The following TTN variants were observed in gnomAD, a reference collection of about 807,000 sequenced individuals.
TTN encodes titin, also known as connectin.
Under a neutral mutation model 3,223.0 loss-of-function variants are expected in TTN, and 1,525 were observed. That is an observed-to-expected ratio of 0.47 (90% CI 0.45 to 0.49). The LOEUF is 0.49. Among genes scored for constraint, TTN ranks in the 20% least tolerant of loss-of-function variants. The probability of loss-of-function intolerance (pLI) is 0.00; values close to 1 mark genes in which losing one functional copy is unlikely to be tolerated. For missense variants in TTN, 40,786 were observed against 43,424.0 expected (o/e 0.94, Z 5.40); for synonymous variants, 14,094 against 15,161.0 (o/e 0.93, Z 5.17).
rs530301114 is a variant in TTN, at chr2:178,781,353, G to A, written c.3381-90C>T. The A allele has an allele frequency of 8.9e-6, 13 of 1,459,266 alleles. No homozygotes were observed. In the South Asian group the frequency reaches 1.3e-4, roughly 15 times the overall value. The allele number at this position is 1,459,266 out of a possible 1,614,324, so 90.4% of individuals were successfully genotyped here. ...GGACTTATCTGTGAGTGGATCTGTG[G>A]TATAAAATTCAATGACCCTAAACAT... On this transcript the variant is annotated intron_variant, in intron 20 of 362. Coordinates refer to ENST00000589042, the MANE Select transcript of TTN (RefSeq NM_001267550.2).
At position 178,640,642 on chromosome 2, in the gene TTN, G is replaced by A. The variant is rs759320704; in HGVS notation, c.40634-12C>T. The A allele has an allele frequency of 2.6e-6, 4 of 1,556,654 alleles. No individual in the cohort carries two copies. The highest frequency in any genetic ancestry group is 3.5e-6 in the Non-Finnish European group (4 of 1,156,336). ...TGGTGGTTCTGGTACTTTAAGATAA[G>A]ATTATTTTTTCAGTGTTAATATTTG... On this transcript the variant is annotated splice_polypyrimidine_tract_variant and intron_variant, in intron 220 of 362. Transcript: ENST00000589042.
In TTN at chr2:178,548,842, A is replaced by G. The variant is rs767238891; in HGVS notation, c.92784T>C (p.Asp30928=). 1.9e-6 allele frequency: 3 copies of G among 1,613,298 alleles called. No individual in the cohort carries two copies. Among genetic ancestry groups the G allele is most frequent in the African/African-American group, 2.7e-5 (2 of 75,022 alleles). The change falls in exon 339 of 363, where the codon GAT becomes GAC. Residue 30928 remains aspartate, a synonymous_variant. Transcript: ENST00000589042. The surrounding 1 kb of genome is among the most constrained non-coding windows in gnomAD (Gnocchi z 4.3). ...DRLTAPELDI[D]ANFKQTHVVR... is the part of the protein sequence containing the mutation. ...CAACATGAGTCTGTTTGAAGTTTGC[A>G]TCTATGTCTAACTCAGGAGCTGTTA...
At chr2:178,630,764 C>T (rs2059702842) in intron 238 of TTN, 40 bp downstream of exon 238, 2 of 1,577,952 alleles carry the variant, frequency 1.3e-6, no homozygotes, top group Non-Finnish European at 1.7e-6. Flanking sequence ...CTAATTCACA[C>T]AGCTCCTTTA....
rs778787757 is a variant in TTN at position 178,793,439 on chromosome 2, T to C, written c.1501A>G (p.Thr501Ala). 5 of 1,614,184 alleles carry C rather than the reference T, an allele frequency of 3.1e-6. No individual in the cohort carries two copies. The South Asian group carries it at 3.3e-5, about 11-fold the overall frequency. ...LKSRTKEVIT[T>A]KQEQMHVTHE... ...GTTACGTGCATCTGCTCTTGCTTTG[T>C]GGTAATTACTTCTTTGGTTCTTGAT... The change falls in exon 9 of 363, where the codon ACA becomes GCA. Residue 501 changes from threonine to alanine, a missense_variant. Transcript: ENST00000589042.
chr2:178,762,289 G>C (rs958042388), intron 43 of TTN, among the ~76,000 whole-genome samples: 32 of 152,210 alleles, frequency 2.1e-4, no homozygotes, highest in Non-Finnish European at 3.4e-4. Flanking sequence ...AAATTTATAA[G>C]AGGATGCTAA....
chr2:178,624,348 A>C (rs1349136072), intron 242 of TTN, 117 bp downstream of exon 242: 4 of 1,295,254 alleles, frequency 3.1e-6, no homozygotes, highest in African/African-American at 1.5e-5. Context: ...TCAATACTAG[A>C]AGTTGCCAAG....
intron 242 of TTN, among the ~76,000 whole-genome samples, chr2:178,623,756 T>C (rs914613074): frequency 2.0e-5 from 3 of 151,836 alleles, no homozygotes; most frequent in African/African-American, 7.3e-5. Flanking sequence ...CACAAAAAAT[T>C]TGCAGAAAAA....
At chr2:178,544,902 C>A (rs2154144642) in intron 344 of TTN, among the ~76,000 whole-genome samples, 1 of 152,262 alleles carries the variant, frequency 6.6e-6, no homozygotes, top group Middle Eastern at 3.4e-3. Context: ...CTTAGCTTCC[C>A]CAATTCAGTC....
In TTN at chr2:178,674,342, C is replaced by T. The variant is rs1189001045; in HGVS notation, c.34680G>A (p.Glu11560=). The T allele has an allele frequency of 6.3e-7, 1 of 1,599,978 alleles. No homozygotes were observed. The part of the protein sequence containing the change: ...EEIPEEPPSI[E]EVEEVAPPRV... ...TAGGTGGTGCCACCTCTTCAACTTC[C>T]TCTATGCTAGGTGGTTCTTCTGGGA... The change falls in exon 151 of 363, where the codon GAG becomes GAA. Residue 11560 remains glutamate, a synonymous_variant. Transcript: ENST00000589042.
In TTN at chr2:178,724,295, C is replaced by T. The variant is rs2078958911; in HGVS notation, c.21080G>A (p.Gly7027Glu). 4 of 1,613,266 alleles carry T rather than the reference C, an allele frequency of 2.5e-6. No individual in the cohort carries two copies. Among genetic ancestry groups the T allele is most frequent in the Non-Finnish European group, 3.4e-6 (4 of 1,179,576 alleles). The change falls in exon 72 of 363, where the codon GGG (glycine) becomes GAG (glutamate). Residue 7027 changes from glycine (G) to glutamate (E), a missense_variant. Gly to Glu is a moderately conservative substitution (Grantham distance 98, BLOSUM62 -2). Transcript: ENST00000589042. ...TYTFQVQNNV[G>E]KSSCTAVVDV... ...AACCACAGCTGTGCAGCTGCTTTTC[C>T]CAACATTATTTTGAACCTGGAAAGT...
chr2:178,574,977 T>C lies in TTN; in HGVS notation c.71155A>G (p.Ile23719Val), dbSNP rs201818722. ...GGGATATCATGGACTTGAATGGTGA[T>C]GACATCACCAACCTCTCCTACAATG... The part of the protein sequence containing the change: ...RNIVGEVGDV[I>V]TIQVHDIPGP... Residue 23719 changes from isoleucine (I) to valine (V), a missense_variant, in exon 326 of 363, where the codon ATC (isoleucine) becomes GTC (valine). Transcript: ENST00000589042. The C allele has an allele frequency of 1.3e-5, 21 of 1,613,162 alleles. No homozygotes were observed. The African/African-American group carries it at 2.8e-4, about 22-fold the overall frequency.
chr2:178,731,475 A>T lies in TTN; in HGVS notation c.17291T>A (p.Leu5764Gln). The T allele has an allele frequency of 6.2e-7, 1 of 1,613,696 alleles. No individual in the cohort carries two copies. ...KGSLPITVTW[L>Q]KDSDEITEDD... ...TTCAGTGATTTCATCGCTGTCTTTT[A>T]GCCAAGTCACCGTAATTGGCAAGGA... Residue 5764 changes from leucine to glutamine, a missense_variant, in exon 59 of 363, where the codon CTA becomes CAA. Leu to Gln is a moderately radical substitution (Grantham distance 113, BLOSUM62 -2). Transcript: ENST00000589042.
rs2081160150 is a variant in TTN, at chr2:178,734,812, T to C, written c.15112A>G (p.Ile5038Val). The C allele has an allele frequency of 6.2e-7, 1 of 1,613,848 alleles. No homozygotes were observed. Among genetic ancestry groups the C allele is most frequent in the Non-Finnish European group, 8.5e-7 (1 of 1,179,772 alleles). ...ACTTTTACATCCGTAATATCAAGTA[T>C]AGCCTCAGAATTGACAAAATACATT... ...VRMYFVNSEA[I>V]LDITDVKVED... The change falls in exon 51 of 363, where the codon ATA becomes GTA. Residue 5038 changes from isoleucine (I) to valine (V), a missense_variant. Transcript: ENST00000589042.
At position 178,679,424 on chromosome 2, in the gene TTN, G is replaced by T. The variant is rs2154269685; in HGVS notation, c.33665-8C>A. ...TCTTAGGAACCTCAGGCACTTTAAA[G>T]ATATTGTTTATTGTTAAGTTCTAAC... On this transcript the variant is annotated splice_region_variant and splice_polypyrimidine_tract_variant and intron_variant, in intron 141 of 362. Transcript: ENST00000589042. 3 of 1,611,758 alleles carry T rather than the reference G, an allele frequency of 1.9e-6. No homozygotes were observed. Among genetic ancestry groups the T allele is most frequent in the South Asian group, 1.1e-5 (1 of 90,796 alleles).
Position 178,571,728 on chromosome 2 carries a change from T to G in TTN, c.74404A>C (p.Asn24802His). Residue 24802 changes from asparagine to histidine, a missense_variant, in exon 326 of 363, where the codon AAT becomes CAT. By Grantham distance (68) the Asn-to-His change is moderately conservative. Transcript: ENST00000589042. ...NSAGEAIETL[N>H]VIVLDKPGPP... is the part of the protein sequence containing the mutation. ...CCTGGTTTGTCAAGAACGATAACATTAAGGGTTTCAATAGCTTCACCAGCT... is the reference window on the plus strand; with the variant it reads ...CCTGGTTTGTCAAGAACGATAACATGAAGGGTTTCAATAGCTTCACCAGCT... 1 of 1,613,450 alleles carries G rather than the reference T, an allele frequency of 6.2e-7. No individual in the cohort carries two copies. Among genetic ancestry groups the G allele is most frequent in the Non-Finnish European group, 8.5e-7 (1 of 1,179,590 alleles).
At position 178,575,755 on chromosome 2, in the gene TTN, A is replaced by G. The variant is rs768458635; in HGVS notation, c.70377T>C (p.Pro23459=). The G allele has an allele frequency of 1.2e-6, 2 of 1,613,480 alleles. No individual in the cohort carries two copies. Among genetic ancestry groups the G allele is most frequent in the Admixed American group, 1.7e-5 (1 of 59,988 alleles). ...KDSVTLHWDL[P]LIDGGSRITN... is the part of the protein sequence containing the mutation. ...TTATACGTGAGCCTCCATCTATCAG[A>G]GGGAGGTCCCAGTGCAGGGTGACAC... Residue 23459 remains proline, a synonymous_variant, in exon 326 of 363, where the codon CCT becomes CCC. Coordinates refer to ENST00000589042, the MANE Select transcript of TTN (RefSeq NM_001267550.2). The surrounding 1 kb of genome is among the most constrained non-coding windows in gnomAD (Gnocchi z 4.0).
Position 178,732,733 on chromosome 2 carries a change from TAAGA to T in TTN, c.16343-19_16343-16del. On this transcript the variant is annotated splice_polypyrimidine_tract_variant and intron_variant, in intron 55 of 362. Coordinates refer to ENST00000589042, the MANE Select transcript of TTN (RefSeq NM_001267550.2). ...ACTGGGTGGTTCTGAAGAAGGGGTATAAGAAAGAATTTCAAAGAGTTAAGAGGGT... is the reference window on the plus strand; with the variant it reads ...ACTGGGTGGTTCTGAAGAAGGGGTATAAGAATTTCAAAGAGTTAAGAGGGT... 1 of 1,567,414 alleles carries T rather than the reference TAAGA, an allele frequency of 6.4e-7. No individual in the cohort carries two copies. Among genetic ancestry groups the T allele is most frequent in the Non-Finnish European group, 8.6e-7 (1 of 1,158,702 alleles).
chr2:178,751,769 A>C (rs1399070789), intron 47 of TTN: 1 of 1,613,164 alleles, frequency 6.2e-7, no homozygotes, highest in Admixed American at 1.7e-5. Flanking sequence ...ACCTGTTGGG[A>C]TGGGCCGATT....
At chr2:178,751,731 C>T (rs754287881) in intron 47 of TTN, 2 of 1,613,198 alleles carry the variant, frequency 1.2e-6, no homozygotes, top group Non-Finnish European at 1.7e-6. Flanking sequence ...TGGTGTAAAT[C>T]ACTCTCAGCT....
Sources: gnomAD v4.1 joint callset for allele counts (sites outside exome capture counted in the v4.1 genomes callset) on GRCh38, gnomAD v4.1.1 for gene constraint, Gnocchi (gnomAD v3.1) non-coding constraint, MANE v1.5 for transcripts, NCBI Gene and HGNC (gene_info 2026-07-23, HGNC 2026-07-21) for gene names.